Variants in VTCN1 observed in about 807,000 individuals in gnomAD.
The protein encoded by VTCN1 is V-set domain-containing T-cell activation inhibitor 1.
In VTCN1, 26 loss-of-function variants were observed where a neutral mutation model predicts 26.5. That is an observed-to-expected ratio of 0.98 (90% CI 0.72 to 1.36). VTCN1 has a LOEUF of 1.36. Among genes scored for constraint, VTCN1 ranks in the 40% most tolerant of loss-of-function variants. The pLI is 0.00. For missense variants in VTCN1, 298 were observed against 337.7 expected, an observed-to-expected ratio of 0.88 and a Z score of 0.92; for synonymous variants, 116 against 130.7, an observed-to-expected ratio of 0.89 and a Z score of 0.77.
At chr1:117,162,847 A>C (rs978945222) in intron 2 of VTCN1, among the ~76,000 whole-genome samples, 2 of 152,216 alleles carry the variant, frequency 1.3e-5, no homozygotes, top group African/African-American at 4.8e-5. Context: ...TAGGTAACAC[A>C]AGACAAGGAT....
At chr1:117,165,496 G>C (rs1451809721) in intron 2 of VTCN1, among the ~76,000 whole-genome samples, 1 of 152,136 alleles carries the variant, frequency 6.6e-6, no homozygotes, top group East Asian at 1.9e-4. Flanking sequence ...TCATCCCCTT[G>C]GTGATAAGTG....
At chr1:117,202,586 G>C (rs1388229511) in intron 1 of VTCN1, among the ~76,000 whole-genome samples, 1 of 152,204 alleles carries the variant, frequency 6.6e-6, no homozygotes, top group African/African-American at 2.4e-5. Flanking sequence ...AAGTTGAAAA[G>C]GAAATAAGAA....
intron 1 of VTCN1, among the ~76,000 whole-genome samples, chr1:117,194,804 T>C (rs1648427017): frequency 6.6e-6 from 1 of 152,208 alleles, no homozygotes; most frequent in Non-Finnish European, 1.5e-5. Context: ...CATTTACATA[T>C]GGAATCTTAA....
intron 1 of VTCN1, among the ~76,000 whole-genome samples, chr1:117,181,761 G>A (rs911132794): frequency 6.6e-6 from 1 of 152,186 alleles, no homozygotes; most frequent in Non-Finnish European, 1.5e-5. Flanking sequence ...CAAAAGAGCT[G>A]AGAGGAAGAA....
Position 117,160,929 on chromosome 1 carries a change from A to G in VTCN1, c.98-4008T>C, listed in dbSNP as rs532539276. Among the ~76,000 whole-genome samples the G allele has an allele frequency of 2.0e-5, 3 of 152,298 alleles. No individual in the cohort carries two copies. In the South Asian group the frequency reaches 6.2e-4, roughly 32 times the overall value. ...TTTGCAGCAGAAAGAACAGAAGGCT[A>G]CTGATGGAAGAAAAATTATAGCTAG... On this transcript the variant is annotated intron_variant, in intron 2 of 5. Transcript: ENST00000369458.
chr1:117,209,043 A>G (rs1159547020), intron 1 of VTCN1, among the ~76,000 whole-genome samples: 1 of 152,162 alleles, frequency 6.6e-6, no homozygotes, highest in Non-Finnish European at 1.5e-5. Context: ...CCTGCTCCCC[A>G]CTGAAGCTGC....
chr1:117,164,768 G>A (rs757588410), intron 2 of VTCN1, among the ~76,000 whole-genome samples: 40 of 152,196 alleles, frequency 2.6e-4, no homozygotes, highest in East Asian at 5.8e-4. Context: ...GCGTGATAGC[G>A]CAGGGACTGG....
intron 1 of VTCN1, among the ~76,000 whole-genome samples, chr1:117,192,750 C>CA (rs1557875779): frequency 6.6e-6 from 1 of 150,584 alleles, no homozygotes; most frequent in Non-Finnish European, 1.5e-5. Context: ...CAGGATAACT[C>CA]AAAAAAAATT....
At chr1:117,153,756 T>C (rs1651925453) in intron 3 of VTCN1, among the ~76,000 whole-genome samples, 1 of 152,164 alleles carries the variant, frequency 6.6e-6, no homozygotes, top group Non-Finnish European at 1.5e-5. Context: ...TGTATTTTTC[T>C]CCCTGGAGGA....
Position 117,170,190 on chromosome 1 carries a change from A to G in VTCN1, c.33-19T>C. ...AATTATGCTACGGGAAGAGAGAGAG[A>G]AACAGAAAATTAGTTCTCCATTCCT... is the stretch of plus-strand genomic sequence containing the variant. On this transcript the variant is annotated intron_variant, in intron 1 of 5. Transcript: ENST00000369458. 6.2e-7 allele frequency: 1 copy of G among 1,612,120 alleles called. No individual in the cohort carries two copies. The highest frequency in any genetic ancestry group is 1.3e-5 in the African/African-American group (1 of 75,026).
At position 117,183,206 on chromosome 1, in the gene VTCN1, G is replaced by A. The variant is rs933080604; in HGVS notation, c.33-13035C>T. ...TAAACCACTCTGGGTCCCTGACTACGCCAGGCTGCTTCTTGCCTCCATGCC... is the reference window on the plus strand; with the variant it reads ...TAAACCACTCTGGGTCCCTGACTACACCAGGCTGCTTCTTGCCTCCATGCC... On this transcript the variant is annotated intron_variant, in intron 1 of 5. Transcript: ENST00000369458. The surrounding 1 kb of genome is among the most constrained non-coding windows in gnomAD (Gnocchi z 4.1). Among the ~76,000 whole-genome samples, 6 of 152,046 alleles carry A rather than the reference G, an allele frequency of 3.9e-5. No individual in the cohort carries two copies. Among genetic ancestry groups the A allele is most frequent in the Non-Finnish European group, 8.8e-5 (6 of 68,018 alleles).
At chr1:117,170,933 C>A (rs1652878408) in intron 1 of VTCN1, among the ~76,000 whole-genome samples, 1 of 152,140 alleles carries the variant, frequency 6.6e-6, no homozygotes, top group Non-Finnish European at 1.5e-5. Context: ...TGGTTTGCTG[C>A]ACCTATCAAC....
chr1:117,176,975 C>G lies in VTCN1; in HGVS notation c.33-6804G>C, dbSNP rs1000379687. On this transcript the variant is annotated intron_variant, in intron 1 of 5. Coordinates refer to ENST00000369458, the MANE Select transcript of VTCN1 (RefSeq NM_024626.4). ...TTAGCCGAGCGTGGTGGTGTGCATG[C>G]GTAGTCCCAGCTACTCGGGAGGCTG... is the stretch of plus-strand genomic sequence containing the variant. Among the ~76,000 whole-genome samples, 3 of 151,982 alleles carry G rather than the reference C, an allele frequency of 2.0e-5. No individual in the cohort carries two copies. In the South Asian group the frequency reaches 6.2e-4, roughly 32 times the overall value.
intron 1 of VTCN1, among the ~76,000 whole-genome samples, chr1:117,206,559 G>A (rs1170725243): frequency 1.3e-5 from 2 of 152,176 alleles, no homozygotes. Flanking sequence ...GAATCCAGAT[G>A]CACAGCCATA....
intron 1 of VTCN1, among the ~76,000 whole-genome samples, chr1:117,191,816 G>T (rs939006259): frequency 1.3e-5 from 2 of 152,002 alleles, no homozygotes; most frequent in African/African-American, 4.8e-5. Flanking sequence ...AATAAGCTGG[G>T]CATGGTGAAA....
In VTCN1 at chr1:117,185,635, A is replaced by G. The variant is rs529140034; in HGVS notation, c.33-15464T>C. ...AAAGCCCACCAGCATTACAATCAACACAGGCTTTATCCGATAAGAAACACT... is the reference window on the plus strand; with the variant it reads ...AAAGCCCACCAGCATTACAATCAACGCAGGCTTTATCCGATAAGAAACACT... On this transcript the variant is annotated intron_variant, in intron 1 of 5. Coordinates refer to ENST00000369458, the MANE Select transcript of VTCN1 (RefSeq NM_024626.4). Among the ~76,000 whole-genome samples, 49 of 152,274 alleles carry G rather than the reference A, an allele frequency of 3.2e-4. 1 individual carries two copies. The highest frequency in any genetic ancestry group is 1.2e-3 in the African/African-American group (48 of 41,548).
At chr1:117,179,019 C>A (rs2101548997) in intron 1 of VTCN1, among the ~76,000 whole-genome samples, 1 of 152,246 alleles carries the variant, frequency 6.6e-6, no homozygotes, top group South Asian at 2.1e-4. Context: ...AATTTAATAG[C>A]AATGTAGTGG....
intron 1 of VTCN1, among the ~76,000 whole-genome samples, chr1:117,177,598 G>A (rs1034670319): frequency 2.7e-4 from 41 of 152,144 alleles, no homozygotes; most frequent in African/African-American, 9.7e-4. Context: ...ATTTGGGAAA[G>A]GAATTTTGGG....
At chr1:117,188,040 G>A (rs1050497258) in intron 1 of VTCN1, among the ~76,000 whole-genome samples, 8 of 152,060 alleles carry the variant, frequency 5.3e-5, no homozygotes, top group Non-Finnish European at 1.2e-4. Context: ...ATATTTCTTC[G>A]GGGATTTTTT....
Sources: gnomAD v4.1 joint callset for allele counts (sites outside exome capture counted in the v4.1 genomes callset) on GRCh38, gnomAD v4.1.1 for gene constraint, Gnocchi (gnomAD v3.1) non-coding constraint, MANE v1.5 for transcripts, NCBI Gene and HGNC (gene_info 2026-07-23, HGNC 2026-07-21) for gene names.